The following HABP2 variants were observed in gnomAD, a reference collection of about 807,000 sequenced individuals.
The protein encoded by HABP2 is factor VII-activating protease.
Under a neutral mutation model 66.5 loss-of-function variants are expected in HABP2, and 65 were observed. The observed-to-expected ratio is 0.98, with a 90% CI of 0.80 to 1.20. HABP2 has a LOEUF of 1.20. Ranked by LOEUF, HABP2 falls within the 50% of genes most tolerant of loss-of-function variation. HABP2 has a pLI of 0.00. For missense variants in HABP2, 786 were observed against 691.0 expected (o/e 1.14, Z -1.54); for synonymous variants, 263 against 253.9 (o/e 1.04, Z -0.34).
At chr10:113,576,136 C>CTGTA in intron 4 of HABP2, 132 bp downstream of exon 4, 1 of 630,196 alleles carries the variant, frequency 1.6e-6, no homozygotes, top group Non-Finnish European at 2.8e-6. Flanking sequence ...TAGTGTATTC[C>CTGTA]TCTGCAGGGT....
chr10:113,568,941 T>C, intron 2 of HABP2, among the ~76,000 whole-genome samples: 1 of 152,196 alleles, frequency 6.6e-6, no homozygotes, highest in African/African-American at 2.4e-5. Context: ...GTGAACAACT[T>C]GAGCAACTGT....
intron 3 of HABP2, among the ~76,000 whole-genome samples, chr10:113,575,447 G>T (rs774453684): frequency 3.9e-5 from 6 of 152,128 alleles, no homozygotes; most frequent in Non-Finnish European, 8.8e-5. Flanking sequence ...GAAAGCTTGC[G>T]TTTCATTAGG....
chr10:113,577,942 T>A, intron 5 of HABP2, 84 bp from the exon 6 acceptor site: 1 of 1,523,476 alleles, frequency 6.6e-7, no homozygotes, highest in African/African-American at 1.4e-5. Flanking sequence ...ACCAGTAGAA[T>A]GCCACCAATG....
chr10:113,553,009 C>T, upstream of HABP2: 1 of 745,024 alleles, frequency 1.3e-6, no homozygotes, highest in Non-Finnish European at 2.4e-6. Flanking sequence ...TAATAATTTG[C>T]ATCCTCTTCA....
chr10:113,576,875 T>C lies in HABP2; in HGVS notation c.332-275T>C, dbSNP rs1172669972. On this transcript the variant is annotated intron_variant, in intron 4 of 12. Coordinates refer to ENST00000351270, the MANE Select transcript of HABP2 (RefSeq NM_004132.5). ...TAGCTAGAAAATGGAGAGACTAAAA[T>C]TGCAGCTCTGTTTGGTGAAGGTGTA... Among the ~76,000 whole-genome samples, 4 of 152,214 alleles carry C rather than the reference T, an allele frequency of 2.6e-5. No homozygotes were observed. The East Asian group carries it at 5.8e-4, about 22-fold the overall frequency.
rs376431415 is a variant in HABP2 at position 113,588,947 on chromosome 10, G to T, written c.*578G>T. The T allele has an allele frequency of 6.4e-7, 1 of 1,557,758 alleles. No homozygotes were observed. Among genetic ancestry groups the T allele is most frequent in the Non-Finnish European group, 8.8e-7 (1 of 1,135,376 alleles). ...CTCTGGTGAACAAACTTCCTCTCTG[G>T]CCTCTCAGGAATCAGGGTGGACATG... On this transcript the variant is annotated 3_prime_UTR_variant, in exon 13 of 13. Coordinates refer to ENST00000351270, the MANE Select transcript of HABP2 (RefSeq NM_004132.5).
Position 113,567,728 on chromosome 10 carries a change from A to C in HABP2, c.106+203A>C, listed in dbSNP as rs2419815. Among the ~76,000 whole-genome samples, 103,492 of 151,976 alleles carry C rather than the reference A, an allele frequency of 0.68. 35,766 individuals are homozygous for C. Among genetic ancestry groups the C allele is most frequent in the East Asian group, 0.86 (4,433 of 5,168 alleles). ...AATTTTGAGTTTCCTGTGGACACTG[A>C]TGAGCCCAGGCTCAGGATCCCAAGG... On this transcript the variant is annotated intron_variant, in intron 2 of 12. Transcript: ENST00000351270.
At position 113,578,136 on chromosome 10, in the gene HABP2, T is replaced by C. The variant is rs747800162; in HGVS notation, c.559T>C (p.Cys187Arg). The change falls in exon 6 of 13, where the codon TGT becomes CGT. Residue 187 changes from cysteine to arginine, a missense_variant. By Grantham distance (180) the Cys-to-Arg change is radical. Coordinates refer to ENST00000351270, the MANE Select transcript of HABP2 (RefSeq NM_004132.5). The part of the protein sequence containing the change: ...ACPDQFKGKF[C>R]EIGSDDCYVG... ...TCCCGACCAGTTCAAGGGGAAATTC[T>C]GTGAAATAGGTATGGGTCTCTGCCA... 1 of 1,614,152 alleles carries C rather than the reference T, an allele frequency of 6.2e-7. No individual in the cohort carries two copies. The highest frequency in any genetic ancestry group is 8.5e-7 in the Non-Finnish European group (1 of 1,179,986).
chr10:113,555,866 A>T (rs945576274), intron 1 of HABP2, among the ~76,000 whole-genome samples: 2 of 152,148 alleles, frequency 1.3e-5, no homozygotes, highest in Non-Finnish European at 2.9e-5. Context: ...CTTAACTGTA[A>T]ATAAGGCGTG....
chr10:113,551,547 T>C (rs1844898957), upstream of HABP2, among the ~76,000 whole-genome samples: 1 of 152,214 alleles, frequency 6.6e-6, no homozygotes, highest in African/African-American at 2.4e-5. Context: ...GGCTTATGCC[T>C]ATAATCCTAG....
intron 8 of HABP2, 135 bp downstream of exon 8, chr10:113,580,827 AGCCCAACT>A (rs1845514661): frequency 6.6e-6 from 4 of 607,066 alleles, no homozygotes; most frequent in Admixed American, 5.6e-5. Context: ...TCCCAGTGCC[AGCCCAACT>A]GCCCAACTGT....
chr10:113,558,725 G>A (rs562327891), intron 1 of HABP2, among the ~76,000 whole-genome samples: 15 of 152,284 alleles, frequency 9.9e-5, no homozygotes, highest in Non-Finnish European at 1.6e-4. Flanking sequence ...GATGCCTAGC[G>A]GGGGAGTTAC....
chr10:113,579,191 C>T (rs1226324027), intron 7 of HABP2, among the ~76,000 whole-genome samples: 2 of 150,294 alleles, frequency 1.3e-5, no homozygotes, highest in Non-Finnish European at 1.5e-5. Context: ...CCCAGGAGGT[C>T]GAGGCTGTAG....
chr10:113,567,525 G>T lies in HABP2; in HGVS notation c.106G>T (p.Asp36Tyr), dbSNP rs747865242. ...GTCTTTATTGGAAAGCCTGGACCCA[G>T]GTAAGTGTGCTGATCTCCCTGGGGC... ...LMSLLESLDP[D>Y]WTPDQYDYSY... is the part of the protein sequence containing the mutation. The change falls in exon 2 of 13, where the codon GAC (aspartate) becomes TAC (tyrosine). Residue 36 changes from aspartate (D) to tyrosine (Y), a missense_variant and splice_region_variant. Coordinates refer to ENST00000351270, the MANE Select transcript of HABP2 (RefSeq NM_004132.5). 1 of 1,609,886 alleles carries T rather than the reference G, an allele frequency of 6.2e-7. No individual in the cohort carries two copies. The highest frequency in any genetic ancestry group is 1.7e-5 in the Admixed American group (1 of 60,030).
chr10:113,578,114 C>T lies in HABP2; in HGVS notation c.537C>T (p.Pro179=), dbSNP rs753305812. ...GATCCAAGTTCACCTGTGCCTGTCC[C>T]GACCAGTTCAAGGGGAAATTCTGTG... ...KRRSKFTCAC[P]DQFKGKFCEI... The change falls in exon 6 of 13, where the codon CCC becomes CCT. Residue 179 remains proline (P), a synonymous_variant. Coordinates refer to ENST00000351270, the MANE Select transcript of HABP2 (RefSeq NM_004132.5). The T allele has an allele frequency of 4.9e-5, 79 of 1,614,006 alleles. No homozygotes were observed. The South Asian group carries it at 5.1e-4, about 10-fold the overall frequency.
intron 2 of HABP2, among the ~76,000 whole-genome samples, chr10:113,568,144 G>C (rs989564740): frequency 6.6e-6 from 1 of 152,224 alleles, no homozygotes; most frequent in Non-Finnish European, 1.5e-5. Flanking sequence ...CACAGCGTGC[G>C]CAAGCTAAGC....
In HABP2 at chr10:113,588,295, C is replaced by G. The variant is rs368110304; in HGVS notation, c.1609C>G (p.Pro537Ala). ...VSWGLECGKR[P>A]GVYTQVTKFL... ...CTGGGGCCTGGAGTGTGGGAAGAGGCCAGGGGTCTACACCCAAGTTACCAA... is the reference window on the plus strand; with the variant it reads ...CTGGGGCCTGGAGTGTGGGAAGAGGGCAGGGGTCTACACCCAAGTTACCAA... Residue 537 changes from proline (P) to alanine (A), a missense_variant, in exon 13 of 13, where the codon CCA becomes GCA. Transcript: ENST00000351270. 6.2e-6 allele frequency: 10 copies of G among 1,613,344 alleles called. No homozygotes were observed. Among genetic ancestry groups the G allele is most frequent in the Non-Finnish European group, 8.5e-6 (10 of 1,179,568 alleles).
At chr10:113,568,541 G>C (rs551413602) in intron 2 of HABP2, among the ~76,000 whole-genome samples, 2 of 152,246 alleles carry the variant, frequency 1.3e-5, no homozygotes, top group Admixed American at 6.5e-5. Context: ...TATTGGCATG[G>C]TGTGTGGGGT....
upstream of HABP2, among the ~76,000 whole-genome samples, chr10:113,552,630 C>T (rs1844917899): frequency 6.6e-6 from 1 of 152,242 alleles, no homozygotes; most frequent in Non-Finnish European, 1.5e-5. Flanking sequence ...ATTTATGTCT[C>T]ATGAATATAA....
Sources: gnomAD v4.1 joint callset for allele counts (sites outside exome capture counted in the v4.1 genomes callset) on GRCh38, gnomAD v4.1.1 for gene constraint, MANE v1.5 for transcripts, NCBI Gene and HGNC (gene_info 2026-07-23, HGNC 2026-07-21) for gene names.